The following SERPINB10 variants were observed in gnomAD, a reference collection of about 807,000 sequenced individuals.
SERPINB10 encodes serpin B10.
In SERPINB10, 35 loss-of-function variants were observed where a neutral mutation model predicts 39.1. That is an observed-to-expected ratio of 0.90 (90% CI 0.68 to 1.19). SERPINB10 has a LOEUF of 1.19. SERPINB10 is among the 50% of genes most tolerant of loss of function. The probability of loss-of-function intolerance (pLI) is 0.00; values close to 1 mark genes in which losing one functional copy is unlikely to be tolerated. For missense variants in SERPINB10, 546 were observed against 460.5 expected (o/e 1.19, Z -1.70); for synonymous variants, 190 against 158.1 (o/e 1.20, Z -1.52).
chr18:63,933,694 C>A (rs1305838244), intron 7 of SERPINB10, among the ~76,000 whole-genome samples: 1 of 152,196 alleles, frequency 6.6e-6, no homozygotes, highest in East Asian at 1.9e-4. Context: ...AAGTAAGCAA[C>A]CTTCAGGAGA....
At chr18:63,910,760 T>TTGTGTG (rs763286030) in intron 1 of SERPINB10, among the ~76,000 whole-genome samples, 2 of 83,580 alleles carry the variant, frequency 2.4e-5, no homozygotes, top group Admixed American at 1.4e-4. Context: ...TGATGAACAC[T>TTGTGTG]TGTGTGTGTG....
intron 1 of SERPINB10, among the ~76,000 whole-genome samples, chr18:63,914,544 C>T (rs2050088063): frequency 6.6e-6 from 1 of 151,944 alleles, no homozygotes; most frequent in African/African-American, 2.4e-5. Flanking sequence ...CTATAGAAAC[C>T]TAGTTTTAAA....
chr18:63,933,200 A>G lies in SERPINB10; in HGVS notation c.786A>G (p.Glu262=). ...TGCCAGAAGACATTAATGGGCTGGA[A>G]CAGGTAAATAACATCAGTGTGTCTG... ...ILLPEDINGL[E]QLEKAITYEK... Residue 262 remains glutamate (E), a synonymous_variant, in exon 7 of 8, where the codon GAA becomes GAG. Transcript: ENST00000238508. 1 of 1,613,944 alleles carries G rather than the reference A, an allele frequency of 6.2e-7. No homozygotes were observed. The highest frequency in any genetic ancestry group is 8.5e-7 in the Non-Finnish European group (1 of 1,179,900).
At chr18:63,928,081 C>A (rs1348709503) in intron 5 of SERPINB10, among the ~76,000 whole-genome samples, 1 of 150,580 alleles carries the variant, frequency 6.6e-6, no homozygotes, top group Non-Finnish European at 1.5e-5. Context: ...TTTTTTTTTT[C>A]AGATTTTCTA....
intron 4 of SERPINB10, among the ~76,000 whole-genome samples, chr18:63,919,013 A>G (rs1341787038): frequency 6.6e-6 from 1 of 152,060 alleles, no homozygotes; most frequent in African/African-American, 2.4e-5. Context: ...CAGAATTTAG[A>G]CTTCATAATC....
chr18:63,934,731 G>A, intron 7 of SERPINB10, 107 bp from the exon 8 acceptor site: 1 of 1,120,840 alleles, frequency 8.9e-7, no homozygotes, highest in Non-Finnish European at 1.2e-6. Context: ...TGAGTAACGG[G>A]AGTGATCATA....
intron 4 of SERPINB10, 73 bp downstream of exon 4, chr18:63,918,175 T>C (rs1023801003): frequency 5.3e-6 from 8 of 1,516,502 alleles, no homozygotes; most frequent in Non-Finnish European, 7.3e-6. Context: ...AAACTCTGTA[T>C]ATTTCTTTAG....
chr18:63,932,689 T>C (rs2050231701), intron 6 of SERPINB10, among the ~76,000 whole-genome samples: 1 of 152,246 alleles, frequency 6.6e-6, no homozygotes, highest in Non-Finnish European at 1.5e-5. Context: ...ATTTTTATAA[T>C]ACTAAAATAC....
chr18:63,929,894 A>C (rs2050208896), intron 5 of SERPINB10, 151 bp from the exon 6 acceptor site: 1 of 709,136 alleles, frequency 1.4e-6, no homozygotes, highest in Admixed American at 2.9e-5. Flanking sequence ...TATTCTGGAC[A>C]GGAATAGTAC....
In SERPINB10 at chr18:63,917,491, T is replaced by C; in HGVS notation, c.204T>C (p.Cys68=). ...TTAACAGAGACCAGGGAGTCAAATGTGACCCTGAAAGTGAAAAAAAAAGGA... is the reference window on the plus strand; with the variant it reads ...TTAACAGAGACCAGGGAGTCAAATGCGACCCTGAAAGTGAAAAAAAAAGGA... ...LQFNRDQGVK[C]DPESEKKRKM... is the part of the protein sequence containing the mutation. The change falls in exon 3 of 8, where the codon TGT becomes TGC. Residue 68 remains cysteine, a synonymous_variant. Transcript: ENST00000238508. The C allele has an allele frequency of 6.3e-7, 1 of 1,583,886 alleles. No individual in the cohort carries two copies. Among genetic ancestry groups the C allele is most frequent in the Non-Finnish European group, 8.6e-7 (1 of 1,164,772 alleles).
chr18:63,921,390 A>G (rs2050145693), intron 5 of SERPINB10, among the ~76,000 whole-genome samples: 1 of 151,878 alleles, frequency 6.6e-6, no homozygotes, highest in Non-Finnish European at 1.5e-5. Flanking sequence ...TTCCTCATGT[A>G]TTCTCCATCT....
chr18:63,929,514 A>AAGTG (rs1382164578), intron 5 of SERPINB10, among the ~76,000 whole-genome samples: 9 of 151,944 alleles, frequency 5.9e-5, no homozygotes, highest in Admixed American at 2.0e-4. Flanking sequence ...ATTTTAGCAC[A>AAGTG]AGTGTCTTGC....
intron 1 of SERPINB10, among the ~76,000 whole-genome samples, chr18:63,908,575 TG>T (rs2144714432): frequency 6.6e-6 from 1 of 152,142 alleles, no homozygotes; most frequent in African/African-American, 2.4e-5. Flanking sequence ...CACCATTTCA[TG>T]GGCCATTAGC....
intron 6 of SERPINB10, among the ~76,000 whole-genome samples, chr18:63,930,560 T>C (rs2050215146): frequency 6.6e-6 from 1 of 152,132 alleles, no homozygotes; most frequent in Admixed American, 6.6e-5. Context: ...GCTAAACCAG[T>C]ACTAACTTCT....
intron 5 of SERPINB10, among the ~76,000 whole-genome samples, chr18:63,922,248 G>A (rs897045528): frequency 9.2e-5 from 14 of 151,960 alleles, no homozygotes; most frequent in East Asian, 1.9e-4. Context: ...CTCAAAAGCC[G>A]TGGTGAAGCA....
At position 63,919,815 on chromosome 18, in the gene SERPINB10, T is replaced by G; in HGVS notation, c.400T>G (p.Phe134Val). ...ATATTTAGAAGACATGAAAACATATTTTGGTGCAGAACCTCAGCCTGTTAA... is the reference window on the plus strand; with the variant it reads ...ATATTTAGAAGACATGAAAACATATGTTGGTGCAGAACCTCAGCCTGTTAA... ...NKYLEDMKTY[F>V]GAEPQPVNFV... The change falls in exon 5 of 8, where the codon TTT (phenylalanine) becomes GTT (valine). Residue 134 changes from phenylalanine (F) to valine (V), a missense_variant. Physicochemically the swap from Phe to Val is conservative, Grantham distance 50. Transcript: ENST00000238508. 1.2e-6 allele frequency: 2 copies of G among 1,607,072 alleles called. No individual in the cohort carries two copies. The highest frequency in any genetic ancestry group is 3.4e-5 in the Admixed American group (2 of 59,102).
intron 1 of SERPINB10, among the ~76,000 whole-genome samples, chr18:63,910,471 T>C (rs979270958): frequency 6.6e-6 from 1 of 151,930 alleles, no homozygotes; most frequent in Non-Finnish European, 1.5e-5. Flanking sequence ...CTCCCCATTC[T>C]AGTAGTCCCC....
At chr18:63,929,371 C>T (rs1166011429) in intron 5 of SERPINB10, among the ~76,000 whole-genome samples, 1 of 152,026 alleles carries the variant, frequency 6.6e-6, no homozygotes, top group Admixed American at 6.6e-5. Flanking sequence ...AAAATCCCTT[C>T]TTCCTCCAGG....
chr18:63,911,264 T>A (rs550560525), intron 1 of SERPINB10, among the ~76,000 whole-genome samples: 1 of 152,124 alleles, frequency 6.6e-6, no homozygotes, highest in Non-Finnish European at 1.5e-5. Context: ...TTTCTTTTGC[T>A]GTGCAGAAGC....
Sources: gnomAD v4.1 joint callset for allele counts (sites outside exome capture counted in the v4.1 genomes callset) on GRCh38, gnomAD v4.1.1 for gene constraint, MANE v1.5 for transcripts, NCBI Gene and HGNC (gene_info 2026-07-23, HGNC 2026-07-21) for gene names.